ADGRB3: variants seen among roughly 807,000 people sequenced by gnomAD.
The protein encoded by ADGRB3 is brain-specific angiogenesis inhibitor 3.
ADGRB3 carries 37 observed loss-of-function variants against 193.4 expected under a neutral mutation model. The ratio of observed to expected loss-of-function variants is 0.19; its 90% CI spans 0.15 to 0.25. ADGRB3 has a LOEUF of 0.25. ADGRB3 is among the 10% of genes least tolerant of loss of function. The pLI is 1.00. For synonymous variants in ADGRB3, 690 were observed against 644.2 expected, an observed-to-expected ratio of 1.07 and a Z score of -1.08; for missense variants, 1,637 against 1,852.9, an observed-to-expected ratio of 0.88 and a Z score of 2.14.
intron 10 of ADGRB3, among the ~76,000 whole-genome samples, chr6:68,989,519 T>C (rs2075768292): frequency 6.6e-6 from 1 of 152,098 alleles, no homozygotes; most frequent in East Asian, 1.9e-4. Flanking sequence ...TTTCGAGAAA[T>C]TGGATCTTGA....
intron 1 of ADGRB3, among the ~76,000 whole-genome samples, chr6:68,636,477 TA>T (rs549982617): frequency 6.9e-6 from 1 of 144,664 alleles, no homozygotes; most frequent in Non-Finnish European, 1.5e-5. Context: ...AATAAATAAA[TA>T]AAACATCCTT....
intron 20 of ADGRB3, among the ~76,000 whole-genome samples, chr6:69,245,945 T>C (rs1450685780): frequency 1.3e-5 from 2 of 152,148 alleles, no homozygotes; most frequent in Non-Finnish European, 2.9e-5. Flanking sequence ...ATATTTGTGC[T>C]TATATCTATG....
chr6:68,933,683 T>A (rs887430960), intron 4 of ADGRB3, among the ~76,000 whole-genome samples: 2 of 152,228 alleles, frequency 1.3e-5, no homozygotes, highest in Non-Finnish European at 2.9e-5. Context: ...ATATTAATAT[T>A]TTGTTCATAA....
intron 3 of ADGRB3, among the ~76,000 whole-genome samples, chr6:68,672,806 A>T (rs1768997779): frequency 6.6e-6 from 1 of 152,084 alleles, no homozygotes; most frequent in African/African-American, 2.4e-5. Flanking sequence ...ATTAAAGCAG[A>T]TTACTCTCCA....
At chr6:69,259,958 T>G (rs1436815201) in intron 20 of ADGRB3, among the ~76,000 whole-genome samples, 1 of 152,162 alleles carries the variant, frequency 6.6e-6, no homozygotes, top group Non-Finnish European at 1.5e-5. Context: ...GCCAAAAATT[T>G]TTAAAGAAAA....
chr6:68,797,181 A>T (rs1767225777), intron 3 of ADGRB3, among the ~76,000 whole-genome samples: 1 of 152,080 alleles, frequency 6.6e-6, no homozygotes, highest in Admixed American at 6.6e-5. Flanking sequence ...TGCGTGGGTC[A>T]ATCACGCTGA....
chr6:69,224,780 C>T lies in ADGRB3; in HGVS notation c.2481-8510C>T, dbSNP rs146341967. Reference sequence around the variant, plus strand: ...ATTGTCTGTTTTTTAAAATGTCTGCCGTTTTTTAATGGCTGAAGCAAATGT... The same window carrying T: ...ATTGTCTGTTTTTTAAAATGTCTGCTGTTTTTTAATGGCTGAAGCAAATGT... On this transcript the variant is annotated intron_variant, in intron 17 of 31. Coordinates refer to ENST00000370598, the MANE Select transcript of ADGRB3 (RefSeq NM_001704.3). 2.5e-3 allele frequency among the ~76,000 whole-genome samples: 387 copies of T among 151,778 alleles called. 4 individuals are homozygous for T. Among genetic ancestry groups the T allele is most frequent in the African/African-American group, 8.5e-3 (352 of 41,390 alleles).
At chr6:68,792,230 A>C (rs1225828683) in intron 3 of ADGRB3, among the ~76,000 whole-genome samples, 1 of 152,216 alleles carries the variant, frequency 6.6e-6, no homozygotes, top group Non-Finnish European at 1.5e-5. Context: ...GTCTAGGTAT[A>C]GACATCTTTA....
chr6:68,700,674 T>G (rs1484418134), intron 3 of ADGRB3, among the ~76,000 whole-genome samples: 1 of 151,940 alleles, frequency 6.6e-6, no homozygotes, highest in African/African-American at 2.4e-5. Context: ...TTTTTCTTCC[T>G]TGTAACTAAG....
intron 10 of ADGRB3, among the ~76,000 whole-genome samples, chr6:68,981,845 GTTATTTAT>G (rs3043275): frequency 0.06 from 8,431 of 139,674 alleles, 727 homozygotes; most frequent in African/African-American, 0.19. Flanking sequence ...TACCTATTTT[GTTATTTAT>G]TTATTTATTT....
chr6:68,678,651 CA>C (rs1764819623), intron 3 of ADGRB3, among the ~76,000 whole-genome samples: 1 of 152,080 alleles, frequency 6.6e-6, no homozygotes, highest in Non-Finnish European at 1.5e-5. Flanking sequence ...AGGTTTAGAT[CA>C]TTTAAAGAAT....
At chr6:68,954,981 C>G (rs768847129) in intron 6 of ADGRB3, among the ~76,000 whole-genome samples, 1 of 152,102 alleles carries the variant, frequency 6.6e-6, no homozygotes, top group Non-Finnish European at 1.5e-5. Flanking sequence ...GCTTCTTAAA[C>G]ACCTGAGAAT....
At chr6:69,176,864 GTA>G (rs1426525512) in intron 17 of ADGRB3, among the ~76,000 whole-genome samples, 4 of 152,080 alleles carry the variant, frequency 2.6e-5, no homozygotes. Flanking sequence ...TAGGGACATT[GTA>G]TGCTTCTAGG....
intron 8 of ADGRB3, among the ~76,000 whole-genome samples, chr6:68,972,682 T>G (rs1290726474): frequency 6.6e-6 from 1 of 152,154 alleles, no homozygotes; most frequent in African/African-American, 2.4e-5. Flanking sequence ...AAGGGCTTAA[T>G]AAATACTAAT....
rs549502241 is a variant in ADGRB3, at chr6:69,357,457, T to C, written c.3595+1597T>C. ...CATTGTTTGGTGACTAAAAGTTTTA[T>C]AAGACTACCTTCTAAGTCTTTATTC... On this transcript the variant is annotated intron_variant, in intron 28 of 31. Transcript: ENST00000370598. Among the ~76,000 whole-genome samples the C allele has an allele frequency of 5.9e-5, 9 of 152,138 alleles. No homozygotes were observed. In the South Asian group the frequency reaches 1.9e-3, roughly 31 times the overall value.
intron 3 of ADGRB3, among the ~76,000 whole-genome samples, chr6:68,898,922 A>G (rs538908752): frequency 6.6e-5 from 10 of 152,190 alleles, no homozygotes; most frequent in Admixed American, 2.0e-4. Flanking sequence ...TTGTCACAAC[A>G]AGATTTAGAA....
intron 8 of ADGRB3, among the ~76,000 whole-genome samples, chr6:68,962,190 T>C (rs1314101147): frequency 1.3e-5 from 2 of 152,148 alleles, no homozygotes; most frequent in African/African-American, 2.4e-5. Context: ...CTTGAAGATA[T>C]CCCATAGATG....
intron 3 of ADGRB3, among the ~76,000 whole-genome samples, chr6:68,702,619 A>T (rs1423150348): frequency 6.6e-6 from 1 of 152,152 alleles, no homozygotes; most frequent in Non-Finnish European, 1.5e-5. Context: ...ATAGGAAAGG[A>T]TTCAAGGCCA....
intron 26 of ADGRB3, among the ~76,000 whole-genome samples, chr6:69,351,203 C>T (rs1344739702): frequency 6.6e-6 from 1 of 151,724 alleles, no homozygotes; most frequent in African/African-American, 2.4e-5. Context: ...AAGCAATTCT[C>T]CTCCCTCAGC....
Sources: allele counts gnomAD v4.1 joint callset (sites outside exome capture counted in the v4.1 genomes callset), GRCh38; gene constraint gnomAD v4.1.1; transcripts MANE v1.5; gene names NCBI Gene and HGNC (gene_info 2026-07-23, HGNC 2026-07-21).